The following XPO5 variants were observed in gnomAD, a reference collection of about 807,000 sequenced individuals.
The protein encoded by XPO5 is exportin 5.
In XPO5, 46 loss-of-function variants were observed where a neutral mutation model predicts 160.6. The ratio of observed to expected loss-of-function variants is 0.29; its 90% CI spans 0.23 to 0.37. XPO5 has a LOEUF of 0.37. Ranked by LOEUF, XPO5 falls within the 10% of genes least tolerant of loss-of-function variation. The pLI, the probability that XPO5 is intolerant of heterozygous loss-of-function variation, is 1.00. For synonymous variants in XPO5, 537 were observed against 519.3 expected (o/e 1.03, Z -0.46); for missense variants, 1,090 against 1,463.9 (o/e 0.74, Z 4.17).
At chr6:43,573,777 C>T (rs1232255388) in intron 1 of XPO5, among the ~76,000 whole-genome samples, 176 bp from the exon 2 acceptor site, 3 of 148,656 alleles carry the variant, frequency 2.0e-5, no homozygotes, top group Non-Finnish European at 4.5e-5. Flanking sequence ...CTAGCCTAGG[C>T]AACATGGCGA....
Position 43,524,978 on chromosome 6 carries a change from C to CA in XPO5, c.3175-11dup. ...GTGTCCCTGACAGCACCTGGGGAGA[C>CA]AACTGTGCTTTAGGGCCACAGGGGG... On this transcript the variant is annotated splice_polypyrimidine_tract_variant and intron_variant, in intron 29 of 31. Transcript: ENST00000265351. 6.2e-7 allele frequency: 1 copy of CA among 1,612,258 alleles called. No homozygotes were observed.
At chr6:43,528,759 T>C in intron 24 of XPO5, 69 bp downstream of exon 24, 3 of 1,465,348 alleles carry the variant, frequency 2.0e-6, no homozygotes, top group Non-Finnish European at 2.8e-6. Context: ...GCTCCTGACT[T>C]GCAAAGCTCA....
Position 43,555,867 on chromosome 6 carries a change from T to C in XPO5, c.1410A>G (p.Leu470=), listed in dbSNP as rs201064427. 97 of 1,613,976 alleles carry C rather than the reference T, an allele frequency of 6.0e-5. No individual in the cohort carries two copies. The highest frequency in any genetic ancestry group is 1.9e-4 in the South Asian group (17 of 91,092). The part of the protein sequence containing the change: ...QMAGEWLKYQ[L]STFLDAGSVN... ...CAGAACCAGCATCAAGAAAAGTTGATAGTTGATACTTTAGCCACTCCCCAG... is the reference window on the plus strand; with the variant it reads ...CAGAACCAGCATCAAGAAAAGTTGACAGTTGATACTTTAGCCACTCCCCAG... Residue 470 remains leucine, a synonymous_variant, in exon 13 of 32, where the codon CTA becomes CTG. Transcript: ENST00000265351.
At chr6:43,538,864 G>C (rs1031315279) in intron 20 of XPO5, 1 of 1,277,312 alleles carries the variant, frequency 7.8e-7, no homozygotes, top group African/African-American at 1.5e-5. Context: ...GCTGCACAGA[G>C]ACTCTGGTGT....
At chr6:43,539,692 G>C in intron 20 of XPO5, 1 of 779,132 alleles carries the variant, frequency 1.3e-6, no homozygotes, top group Non-Finnish European at 2.0e-6. Context: ...CTGCACCGGC[G>C]TCATCCGCCA....
intron 20 of XPO5, among the ~76,000 whole-genome samples, chr6:43,535,705 T>G (rs1794270838): frequency 6.6e-6 from 1 of 150,462 alleles, no homozygotes; most frequent in African/African-American, 2.5e-5. Flanking sequence ...TCCCAGCTAC[T>G]CGGAAGGCTG....
At chr6:43,542,824 G>GA (rs1794770976) in intron 20 of XPO5, among the ~76,000 whole-genome samples, 1 of 152,134 alleles carries the variant, frequency 6.6e-6, no homozygotes, top group South Asian at 2.1e-4. Flanking sequence ...TATAAAAACA[G>GA]AAAATACACA....
chr6:43,526,253 C>T (rs1206654805), intron 27 of XPO5: 2 of 381,624 alleles, frequency 5.2e-6, no homozygotes, highest in Non-Finnish European at 9.7e-6. Flanking sequence ...CAATAGGTCC[C>T]TTCCCTGATG....
intron 3 of XPO5, among the ~76,000 whole-genome samples, chr6:43,571,452 C>A (rs748411647): frequency 6.6e-5 from 10 of 151,774 alleles, no homozygotes; most frequent in East Asian, 3.9e-4. Flanking sequence ...TTAAAAAAAA[C>A]CAAGAAAGAA....
At chr6:43,560,445 T>A in intron 10 of XPO5, 142 bp from the exon 11 acceptor site, 1 of 1,047,026 alleles carries the variant, frequency 9.6e-7, no homozygotes, top group Non-Finnish European at 1.3e-6. Context: ...AATTTATCAG[T>A]AATGACCACC....
chr6:43,526,077 C>T (rs1793568208), intron 27 of XPO5, 156 bp from the exon 28 acceptor site: 1 of 691,396 alleles, frequency 1.4e-6, no homozygotes, highest in Non-Finnish European at 2.4e-6. Context: ...ACATAATGCC[C>T]ATGCCCATGG....
intron 11 of XPO5, among the ~76,000 whole-genome samples, chr6:43,559,562 A>C (rs917918247): frequency 6.6e-6 from 1 of 152,152 alleles, no homozygotes; most frequent in Non-Finnish European, 1.5e-5. Flanking sequence ...CTCCTCTTGG[A>C]ATCTTCCTGA....
At position 43,555,837 on chromosome 6, in the gene XPO5, A is replaced by G. The variant is rs779575146; in HGVS notation, c.1440T>C (p.Asn480=). ...LSTFLDAGSV[N]SCSAVGTGEG... ...CATTCAGTAATGAAAAAAACTTACAATTCACAGAACCAGCATCAAGAAAAG... is the reference window on the plus strand; with the variant it reads ...CATTCAGTAATGAAAAAAACTTACAGTTCACAGAACCAGCATCAAGAAAAG... Residue 480 remains asparagine (N), a splice_region_variant and synonymous_variant, in exon 13 of 32, where the codon AAT becomes AAC. Transcript: ENST00000265351. 1 of 1,613,722 alleles carries G rather than the reference A, an allele frequency of 6.2e-7. No individual in the cohort carries two copies. The highest frequency in any genetic ancestry group is 8.5e-7 in the Non-Finnish European group (1 of 1,179,830).
intron 20 of XPO5, among the ~76,000 whole-genome samples, chr6:43,542,576 A>AT (rs1794756877): frequency 6.6e-6 from 1 of 151,588 alleles, no homozygotes; most frequent in South Asian, 2.1e-4. Context: ...TGCCCAGCTA[A>AT]TTTTTTTTGT....
In XPO5 at chr6:43,572,683, A is replaced by C. The variant is rs1763070831; in HGVS notation, c.228-105T>G. On this transcript the variant is annotated intron_variant, in intron 2 of 31. Transcript: ENST00000265351. Reference sequence around the variant, plus strand: ...TTTGATTACACTGGAGATTTCATTAAGAAATTATACTTTTGATTTTGTACC... The same window carrying C: ...TTTGATTACACTGGAGATTTCATTACGAAATTATACTTTTGATTTTGTACC... 3 of 1,224,732 alleles carry C rather than the reference A, an allele frequency of 2.4e-6. No homozygotes were observed. The African/African-American group carries it at 4.5e-5, about 19-fold the overall frequency. 75.9% of individuals were successfully genotyped at this position (1,224,732 alleles called of 1,614,324 possible).
At chr6:43,570,306 C>T (rs1209235594) in intron 5 of XPO5, among the ~76,000 whole-genome samples, 196 bp downstream of exon 5, 21 of 114,262 alleles carry the variant, frequency 1.8e-4, no homozygotes, top group Non-Finnish European at 3.5e-4. Context: ...AGCGAGCCTC[C>T]GTCTCAAAAA....
chr6:43,531,615 T>A (rs377669433), intron 21 of XPO5, 40 bp from the exon 22 acceptor site: 1 of 1,551,504 alleles, frequency 6.4e-7, no homozygotes, highest in Non-Finnish European at 8.9e-7. Flanking sequence ...TGCTCCACTG[T>A]CAGGAGTCTC....
intron 12 of XPO5, among the ~76,000 whole-genome samples, chr6:43,556,903 G>C (rs1411726951): frequency 6.6e-6 from 1 of 151,912 alleles, no homozygotes; most frequent in Non-Finnish European, 1.5e-5. Context: ...CAAGGCAGGT[G>C]AATCAGCTGA....
In XPO5 at chr6:43,575,800, T is replaced by A. The variant is rs1421911120; in HGVS notation, c.65A>T (p.Asp22Val). 1.2e-6 allele frequency: 2 copies of A among 1,613,400 alleles called. No homozygotes were observed. Among genetic ancestry groups the A allele is most frequent in the African/African-American group, 1.3e-5 (1 of 74,842 alleles). The change falls in exon 1 of 32, where the codon GAC (aspartate) becomes GTC (valine). Residue 22 changes from aspartate (D) to valine (V), a missense_variant. Physicochemically the swap from Asp to Val is radical, Grantham distance 152. Around this residue, in one of 3 missense-constraint regions of XPO5, gnomAD observed 170 missense variants for 227.0 expected, o/e 0.75. Coordinates refer to ENST00000265351, the MANE Select transcript of XPO5 (RefSeq NM_020750.3). ...CCGGTAGCGCTGGGTGGAGTTGGGGTCCATCATGACCGTCACCGCTTTCAC... is the reference window on the plus strand; with the variant it reads ...CCGGTAGCGCTGGGTGGAGTTGGGGACCATCATGACCGTCACCGCTTTCAC... ...QLVKAVTVMM[D>V]PNSTQRYRLE...
Sources: gnomAD v4.1 joint callset for allele counts (sites outside exome capture counted in the v4.1 genomes callset) on GRCh38, gnomAD v4.1.1 for gene constraint, gnomAD v4.1.1 regional missense constraint, MANE v1.5 for transcripts, NCBI Gene and HGNC (gene_info 2026-07-23, HGNC 2026-07-21) for gene names.